The following NEDD4L variants were observed in gnomAD, a reference collection of about 807,000 sequenced individuals.
NEDD4L encodes the protein E3 ubiquitin-protein ligase NEDD4-like.
NEDD4L carries 54 observed loss-of-function variants against 148.9 expected under a neutral mutation model. That is an observed-to-expected ratio of 0.36 (90% CI 0.29 to 0.45). The LOEUF (loss-of-function observed/expected upper bound fraction) is 0.45, where lower values mean the gene tolerates loss of function less well. Among genes scored for constraint, NEDD4L ranks in the 20% least tolerant of loss-of-function variants. The probability of loss-of-function intolerance (pLI) is 1.00; values close to 1 mark genes in which losing one functional copy is unlikely to be tolerated. For synonymous variants in NEDD4L, 433 were observed against 440.7 expected (o/e 0.98, Z 0.22); for missense variants, 856 against 1,233.8 (o/e 0.69, Z 4.59).
At chr18:58,212,962 A>G (rs74417700) in intron 2 of NEDD4L, among the ~76,000 whole-genome samples, 32 of 50,204 alleles carry the variant, frequency 6.4e-4, no homozygotes, top group African/African-American at 6.3e-3. Flanking sequence ...GCAGACAGCT[A>G]GCTGGCAAAC....
chr18:58,353,209 A>G (rs944643772), intron 18 of NEDD4L, among the ~76,000 whole-genome samples: 9 of 152,314 alleles, frequency 5.9e-5, no homozygotes, highest in African/African-American at 1.7e-4. Context: ...TACCTGCTAG[A>G]TGCCTGGGCT....
intron 1 of NEDD4L, among the ~76,000 whole-genome samples, chr18:58,136,219 G>T (rs935446053): frequency 1.2e-4 from 18 of 152,164 alleles, no homozygotes; most frequent in Non-Finnish European, 1.6e-4. Context: ...AGTTGGCAAA[G>T]AAAGTACATC....
chr18:58,242,425 C>G (rs1274484835), intron 2 of NEDD4L, among the ~76,000 whole-genome samples: 1 of 152,146 alleles, frequency 6.6e-6, no homozygotes, highest in Non-Finnish European at 1.5e-5. Context: ...TGGTTAAGTA[C>G]CAGCTGAAAG....
At chr18:58,095,823 G>T (rs1021462130) in intron 1 of NEDD4L, among the ~76,000 whole-genome samples, 3 of 152,140 alleles carry the variant, frequency 2.0e-5, no homozygotes, top group African/African-American at 7.2e-5. Context: ...GAGCAAGCTT[G>T]TGCAACCACA....
At chr18:58,383,391 A>C in intron 25 of NEDD4L, 72 bp downstream of exon 25, 2 of 840,256 alleles carry the variant, frequency 2.4e-6, no homozygotes, top group Non-Finnish European at 3.9e-6. Context: ...TCCCTTGCTG[A>C]AACAGCTCAT....
chr18:58,087,847 C>G (rs1048111984), intron 1 of NEDD4L, among the ~76,000 whole-genome samples: 1 of 152,222 alleles, frequency 6.6e-6, no homozygotes, highest in Non-Finnish European at 1.5e-5. Flanking sequence ...GCACTCCAGC[C>G]TGGACAGCAA....
intron 30 of NEDD4L, among the ~76,000 whole-genome samples, chr18:58,394,476 C>T (rs1036079674): frequency 2.6e-5 from 4 of 152,232 alleles, no homozygotes; most frequent in African/African-American, 9.6e-5. Flanking sequence ...ATTGCAGGCC[C>T]GGGACTGTGA....
chr18:58,290,750 C>T (rs2054602566), intron 5 of NEDD4L, among the ~76,000 whole-genome samples: 1 of 151,278 alleles, frequency 6.6e-6, no homozygotes, highest in Admixed American at 6.6e-5. Context: ...TGAAAAGAAA[C>T]TGTTCATTTA....
chr18:58,383,531 A>G (rs1055685499), intron 25 of NEDD4L, among the ~76,000 whole-genome samples: 4 of 152,232 alleles, frequency 2.6e-5, no homozygotes, highest in African/African-American at 9.6e-5. Flanking sequence ...GAGCTGCCCT[A>G]TAAAGGAGCA....
At chr18:58,250,162 G>GT (rs2047726271) in intron 4 of NEDD4L, among the ~76,000 whole-genome samples, 1 of 150,524 alleles carries the variant, frequency 6.6e-6, no homozygotes, top group African/African-American at 2.4e-5. Flanking sequence ...GTTTTGTTTT[G>GT]TTTTTTGAGA....
In NEDD4L at chr18:58,223,735, G is replaced by A. The variant is rs894576453; in HGVS notation, c.123-21692G>A. The stretch of plus-strand genomic sequence containing the variant: ...GGCTTTCCTTTCTACAGGTGGGCTT[G>A]AAGTGAGCCTGCCACTCGCTCACCT... On this transcript the variant is annotated intron_variant, in intron 2 of 30. Coordinates refer to ENST00000400345, the MANE Select transcript of NEDD4L (RefSeq NM_001144967.3). Among the ~76,000 whole-genome samples, 6 of 152,194 alleles carry A rather than the reference G, an allele frequency of 3.9e-5. No individual in the cohort carries two copies. The East Asian group carries it at 1.2e-3, about 29-fold the overall frequency.
In NEDD4L at chr18:58,336,563, C is replaced by T. The variant is rs374165860; in HGVS notation, c.1125+1026C>T. On this transcript the variant is annotated intron_variant, in intron 13 of 30. Transcript: ENST00000400345. The stretch of plus-strand genomic sequence containing the variant: ...CTGCTCTCCACCCTGGGCGACAGAG[C>T]GAGACTCCATCTCAAAAAAAAAAAA... 6.0e-5 allele frequency among the ~76,000 whole-genome samples: 9 copies of T among 150,672 alleles called. No individual in the cohort carries two copies. In the South Asian group the frequency reaches 8.4e-4, roughly 14 times the overall value.
At chr18:58,082,100 ATATT>A (rs1378934391) in intron 1 of NEDD4L, among the ~76,000 whole-genome samples, 1 of 72,308 alleles carries the variant, frequency 1.4e-5, no homozygotes, top group East Asian at 3.3e-4. Flanking sequence ...ATATATATAT[ATATT>A]TTTTTTTTTT....
At chr18:58,179,522 CAGG>C (rs1002964184) in intron 2 of NEDD4L, among the ~76,000 whole-genome samples, 4 of 152,138 alleles carry the variant, frequency 2.6e-5, no homozygotes, top group African/African-American at 9.7e-5. Context: ...GGCCGCACAG[CAGG>C]AGGTGAGCCA....
chr18:58,333,522 C>G (rs536904383), intron 11 of NEDD4L, among the ~76,000 whole-genome samples: 23 of 152,264 alleles, frequency 1.5e-4, no homozygotes, highest in African/African-American at 5.5e-4. Context: ...GTTTGTAAAG[C>G]AGCATTAGAG....
chr18:58,393,244 GA>G (rs2050058465), intron 30 of NEDD4L, among the ~76,000 whole-genome samples: 1 of 152,176 alleles, frequency 6.6e-6, no homozygotes, highest in African/African-American at 2.4e-5. Flanking sequence ...GAACTTCCCA[GA>G]TAAGACCTCT....
At chr18:58,208,746 G>A (rs1289209754) in intron 2 of NEDD4L, among the ~76,000 whole-genome samples, 1 of 152,196 alleles carries the variant, frequency 6.6e-6, no homozygotes, top group African/African-American at 2.4e-5. Context: ...TTCTGAACCT[G>A]GAGAAGGAGT....
At chr18:58,196,710 C>CT (rs544883000) in intron 2 of NEDD4L, among the ~76,000 whole-genome samples, 1,518 of 114,450 alleles carry the variant, frequency 0.013, 71 homozygotes, top group East Asian at 0.038. Flanking sequence ...CTCTCTCTCT[C>CT]TTTTTTTTTT....
At chr18:58,177,093 C>T (rs998708837) in intron 2 of NEDD4L, among the ~76,000 whole-genome samples, 10 of 149,854 alleles carry the variant, frequency 6.7e-5, no homozygotes, top group Non-Finnish European at 1.0e-4. Flanking sequence ...TGTCCTGAGC[C>T]CCTGGCCCCT....
Sources: allele counts gnomAD v4.1 joint callset (sites outside exome capture counted in the v4.1 genomes callset), GRCh38; gene constraint gnomAD v4.1.1; transcripts MANE v1.5; gene names NCBI Gene and HGNC (gene_info 2026-07-23, HGNC 2026-07-21).